TTN: variants seen among roughly 807,000 people sequenced by gnomAD.
TTN encodes the protein titin, also known as connectin.
TTN carries 1,525 observed loss-of-function variants against 3,223.0 expected under a neutral mutation model. The observed-to-expected ratio is 0.47, with a 90% CI of 0.45 to 0.49. The LOEUF (loss-of-function observed/expected upper bound fraction) is 0.49. Among genes scored for constraint, TTN ranks in the 20% least tolerant of loss-of-function variants. TTN has a pLI of 0.00. For missense variants in TTN, 40,786 were observed against 43,424.0 expected, an observed-to-expected ratio of 0.94 and a Z score of 5.40; for synonymous variants, 14,094 against 15,161.0, an observed-to-expected ratio of 0.93 and a Z score of 5.17.
intron 99 of TTN, among the ~76,000 whole-genome samples, 158 bp from the exon 100 acceptor site, chr2:178,707,971 A>G (rs572767342): frequency 6.6e-6 from 1 of 152,302 alleles, no homozygotes; most frequent in Admixed American, 6.5e-5. Flanking sequence ...TCTAAAGACA[A>G]TAGTTTAAAT....
At position 178,580,140 on chromosome 2, in the gene TTN, C is replaced by T. The variant is rs372388682; in HGVS notation, c.67147G>A (p.Gly22383Arg). ...VTWEPPIIDGGSPIINYVVQK... is the reference protein window; with the variant it reads ...VTWEPPIIDGRSPIINYVVQK... Reference sequence around the variant, plus strand: ...ACCACATAGTTTATGATGGGGCTTCCGCCATCAATAATGGGAGGCTCCCAG... The same window carrying T: ...ACCACATAGTTTATGATGGGGCTTCTGCCATCAATAATGGGAGGCTCCCAG... Residue 22383 changes from glycine (G) to arginine (R), a missense_variant, in exon 318 of 363, where the codon GGA becomes AGA. Coordinates refer to ENST00000589042, the MANE Select transcript of TTN (RefSeq NM_001267550.2). 143 of 1,613,144 alleles carry T rather than the reference C, an allele frequency of 8.9e-5. No homozygotes were observed. The highest frequency in any genetic ancestry group is 1.1e-4 in the Non-Finnish European group (124 of 1,179,456).
intron 208 of TTN, 122 bp from the exon 209 acceptor site, chr2:178,650,956 A>G (rs2062838907): frequency 9.5e-7 from 1 of 1,054,240 alleles, no homozygotes; most frequent in African/African-American, 1.6e-5. Context: ...ATTTCACAAT[A>G]AGGTCAGTGA....
intron 280 of TTN, 28 bp from the exon 281 acceptor site, chr2:178,604,926 A>G (rs576884307): frequency 1.2e-6 from 2 of 1,603,010 alleles, no homozygotes; most frequent in East Asian, 2.2e-5. Flanking sequence ...GAGAATATTG[A>G]GAAGGCAATT....
Position 178,575,460 on chromosome 2 carries a change from G to C in TTN, c.70672C>G (p.His23558Asp). The C allele has an allele frequency of 1.9e-6, 3 of 1,613,602 alleles. No homozygotes were observed. Among genetic ancestry groups the C allele is most frequent in the Non-Finnish European group, 2.5e-6 (3 of 1,179,648 alleles). Residue 23558 changes from histidine to aspartate, a missense_variant, in exon 326 of 363, where the codon CAC becomes GAC. Transcript: ENST00000589042. The surrounding 1 kb of genome is among the most constrained non-coding windows in gnomAD (Gnocchi z 4.0). ...TVSLAWPKPKHDGGSKITGYV... is the reference protein window; with the variant it reads ...TVSLAWPKPKDDGGSKITGYV... ...CCAGTGATCTTGCTGCCACCATCGT[G>C]TTTGGGCTTAGGCCATGCCAGGCTG...
In TTN at chr2:178,549,738, T is replaced by G; in HGVS notation, c.91984A>C (p.Thr30662Pro). The change falls in exon 338 of 363, where the codon ACC becomes CCC. Residue 30662 changes from threonine (T) to proline (P), a missense_variant. Transcript: ENST00000589042. ...ITHYIIEKRE[T>P]SRLAWALIED... is the part of the protein sequence containing the mutation. ...ATTAGTGCCCAGGCAAGTCTGCTGG[T>G]TTCCCGTTTTTCAATGATGTAGTGG... 2 of 1,613,710 alleles carry G rather than the reference T, an allele frequency of 1.2e-6. No individual in the cohort carries two copies. The highest frequency in any genetic ancestry group is 2.7e-5 in the African/African-American group (2 of 75,022).
In TTN at chr2:178,554,437, T is replaced by A; in HGVS notation, c.88894+16A>T. The stretch of plus-strand genomic sequence containing the variant: ...AATTTTTCACGTTTCAGTTTTCTAA[T>A]GAAATCATGTCTCACCAAATGCGTT... On this transcript the variant is annotated intron_variant, in intron 332 of 362. Transcript: ENST00000589042. 6.2e-7 allele frequency: 1 copy of A among 1,606,962 alleles called. No homozygotes were observed. Among genetic ancestry groups the A allele is most frequent in the Non-Finnish European group, 8.5e-7 (1 of 1,177,264 alleles).
chr2:178,723,377 G>C (rs368873254), intron 74 of TTN, 41 bp downstream of exon 74: 5 of 1,603,514 alleles, frequency 3.1e-6, no homozygotes, highest in Non-Finnish European at 4.3e-6. Context: ...CAAGGATGTC[G>C]GTATACAGAA....
chr2:178,729,465 T>C lies in TTN; in HGVS notation c.18691A>G (p.Thr6231Ala). 2 of 1,613,654 alleles carry C rather than the reference T, an allele frequency of 1.2e-6. No individual in the cohort carries two copies. The highest frequency in any genetic ancestry group is 1.7e-6 in the Non-Finnish European group (2 of 1,179,644). The stretch of plus-strand genomic sequence containing the variant: ...ATTTCCCTGTTATTCTTCAGCCAAG[T>C]GACTTCAAACGGAGGTGTTCCCGTA... ...EVTGTPPFEV[T>A]WLKNNREIRS... is the part of the protein sequence containing the mutation. Residue 6231 changes from threonine (T) to alanine (A), a missense_variant, in exon 64 of 363, where the codon ACT becomes GCT. Physicochemically the swap from Thr to Ala is moderately conservative, Grantham distance 58 (BLOSUM62 0). Coordinates refer to ENST00000589042, the MANE Select transcript of TTN (RefSeq NM_001267550.2).
chr2:178,542,585 G>C, intron 348 of TTN, 22 bp from the exon 349 acceptor site: 1 of 1,591,856 alleles, frequency 6.3e-7, no homozygotes, highest in Non-Finnish European at 8.6e-7. Flanking sequence ...AAGAAATACA[G>C]GAAATTAATT....
In TTN at chr2:178,585,257, G is replaced by C. The variant is rs764155651; in HGVS notation, c.64487C>G (p.Pro21496Arg). 1 of 1,613,212 alleles carries C rather than the reference G, an allele frequency of 6.2e-7. No individual in the cohort carries two copies. The highest frequency in any genetic ancestry group is 1.1e-5 in the South Asian group (1 of 91,032). Residue 21496 changes from proline to arginine, a missense_variant, in exon 309 of 363, where the codon CCC becomes CGC. Coordinates refer to ENST00000589042, the MANE Select transcript of TTN (RefSeq NM_001267550.2). Reference sequence around the variant, plus strand: ...TTCTCCTTTTTTCCATTTACAGGTGGGATGAGGCTTTCCATACACATGGGC... The same window carrying C: ...TTCTCCTTTTTTCCATTTACAGGTGCGATGAGGCTTTCCATACACATGGGC... The part of the protein sequence containing the change: ...IEAHVYGKPH[P>R]TCKWKKGEDE...
intron 157 of TTN, 139 bp from the exon 158 acceptor site, chr2:178,669,814 T>A: frequency 1.2e-6 from 1 of 806,420 alleles, no homozygotes; most frequent in Non-Finnish European, 2.0e-6. Context: ...AATGTAGTCA[T>A]TGCATTTCTC....
chr2:178,651,775 G>A (rs1273577008), intron 205 of TTN, 26 bp from the exon 206 acceptor site: 5 of 1,610,516 alleles, frequency 3.1e-6, no homozygotes, highest in Non-Finnish European at 4.2e-6. Flanking sequence ...GTATGTTTTA[G>A]AAAGAACGAA....
In TTN at chr2:178,712,361, T is replaced by A. The variant is rs796818398; in HGVS notation, c.27561A>T (p.Glu9187Asp). Residue 9187 changes from glutamate to aspartate, a missense_variant, in exon 95 of 363, where the codon GAA becomes GAT. Glu to Asp is a conservative substitution (Grantham distance 45). Transcript: ENST00000589042. ...AACAGGAATCTTTTCCAGAGGCATT[T>A]TCAATGTAGCAGTTGTATTGTCCTG... Reference protein sequence around the residue: ...EDAGQYNCYIENASGKDSCSA... With the variant: ...EDAGQYNCYIDNASGKDSCSA... 2.5e-6 allele frequency: 4 copies of A among 1,613,812 alleles called. No individual in the cohort carries two copies. Among genetic ancestry groups the A allele is most frequent in the Non-Finnish European group, 3.4e-6 (4 of 1,179,798 alleles).
intron 47 of TTN, chr2:178,751,457 A>G: frequency 6.2e-7 from 1 of 1,613,094 alleles, no homozygotes; most frequent in Non-Finnish European, 8.5e-7. Flanking sequence ...CTTTTGTTCC[A>G]CATCTTGTTT....
chr2:178,748,829 T>C (rs760351553), intron 47 of TTN: 1 of 1,612,150 alleles, frequency 6.2e-7, no homozygotes, highest in Admixed American at 1.7e-5. Flanking sequence ...GTTAGATGAA[T>C]CTGATTCAGT....
chr2:178,653,197 A>G (rs757625664), intron 198 of TTN, 41 bp downstream of exon 198: 1 of 1,611,146 alleles, frequency 6.2e-7, no homozygotes, highest in Non-Finnish European at 8.5e-7. Flanking sequence ...TCAACTGCAA[A>G]AGAATTAGAT....
At chr2:178,692,405 T>C in intron 120 of TTN, 92 bp downstream of exon 120, 4 of 1,150,404 alleles carry the variant, frequency 3.5e-6, no homozygotes, top group Non-Finnish European at 5.1e-6. Context: ...TTATAGATGG[T>C]TTACAGATGC....
intron 206 of TTN, 54 bp from the exon 207 acceptor site, chr2:178,651,590 A>C: frequency 1.2e-6 from 2 of 1,611,172 alleles, no homozygotes; most frequent in Non-Finnish European, 1.7e-6. Flanking sequence ...AAATGTGAAA[A>C]TCATGAAGCA....
At position 178,559,680 on chromosome 2, in the gene TTN, T is replaced by G. The variant is rs1481995355; in HGVS notation, c.86452A>C (p.Asn28818His). Residue 28818 changes from asparagine to histidine, a missense_variant, in exon 326 of 363, where the codon AAT (asparagine) becomes CAT (histidine). Asn to His is a moderately conservative substitution (Grantham distance 68). Transcript: ENST00000589042. ...TSLTIENANR[N>H]DSGKYTLTIQ... is the part of the protein sequence containing the mutation. ...GTTAATGTGTACTTTCCAGAGTCAT[T>G]TCTGTTGGCATTTTCAATGGTCAGT... 6.2e-7 allele frequency: 1 copy of G among 1,610,988 alleles called. No homozygotes were observed. The highest frequency in any genetic ancestry group is 1.1e-5 in the South Asian group (1 of 90,490).
Sources: gnomAD v4.1 joint callset for allele counts (sites outside exome capture counted in the v4.1 genomes callset) on GRCh38, gnomAD v4.1.1 for gene constraint, Gnocchi (gnomAD v3.1) non-coding constraint, MANE v1.5 for transcripts, NCBI Gene and HGNC (gene_info 2026-07-23, HGNC 2026-07-21) for gene names.